Variants in SPAG16 observed in about 807,000 individuals in gnomAD.
The protein encoded by SPAG16 is sperm associated antigen 16.
In SPAG16, 86 loss-of-function variants were observed where a neutral mutation model predicts 80.4. The observed-to-expected ratio is 1.07, with a 90% CI of 0.90 to 1.28. The LOEUF is 1.28. Ranked by LOEUF, SPAG16 falls within the 50% of genes most tolerant of loss-of-function variation. The pLI is 0.00. For synonymous variants in SPAG16, 294 were observed against 265.9 expected (o/e 1.11, Z -1.03); for missense variants, 870 against 765.3 (o/e 1.14, Z -1.61).
intron 11 of SPAG16, among the ~76,000 whole-genome samples, chr2:213,896,630 A>G (rs998996201): frequency 7.0e-6 from 1 of 143,792 alleles, no homozygotes; most frequent in Non-Finnish European, 1.6e-5. Context: ...ATATGTACAT[A>G]TATATGATAT....
intron 8 of SPAG16, 162 bp downstream of exon 8, chr2:213,364,307 C>T (rs1294937864): frequency 2.8e-6 from 1 of 360,862 alleles, no homozygotes; most frequent in African/African-American, 2.1e-5. Context: ...AGATATCATA[C>T]TGTATGGATT....
chr2:213,381,909 A>G (rs2067195144), intron 9 of SPAG16, among the ~76,000 whole-genome samples: 1 of 152,232 alleles, frequency 6.6e-6, no homozygotes, highest in Non-Finnish European at 1.5e-5. Flanking sequence ...TATACTGCCA[A>G]GATTTCTGTT....
At chr2:214,121,544 G>T (rs2054220927) in intron 14 of SPAG16, among the ~76,000 whole-genome samples, 1 of 151,818 alleles carries the variant, frequency 6.6e-6, no homozygotes, top group Admixed American at 6.6e-5. Flanking sequence ...TTTAAAATGA[G>T]TGACAAAAGA....
intron 10 of SPAG16, among the ~76,000 whole-genome samples, chr2:213,561,697 G>C (rs891245839): frequency 3.3e-5 from 5 of 152,152 alleles, no homozygotes; most frequent in Admixed American, 3.3e-4. Flanking sequence ...ATTTTTGTTT[G>C]TTTTATTTCA....
chr2:213,860,342 G>GATAT lies in SPAG16; in HGVS notation c.1071-2124_1071-2121dup, dbSNP rs57174578. ...GAATTACCCACAAAAGTCATTTACA[G>GATAT]ATATATATATATATATATATATGTG... On this transcript the variant is annotated intron_variant, in intron 10 of 15. Coordinates refer to ENST00000331683, the MANE Select transcript of SPAG16 (RefSeq NM_024532.5). 5.8e-3 allele frequency among the ~76,000 whole-genome samples: 822 copies of GATAT among 141,554 alleles called. 12 individuals carry two copies. Among genetic ancestry groups the GATAT allele is most frequent in the East Asian group, 0.025 (120 of 4,876 alleles). 92.9% of individuals were successfully genotyped at this position (141,554 alleles called of 152,430 possible). A position where few individuals can be genotyped will look rare whatever the true frequency, so the allele number is the denominator to read the frequency against.
intron 9 of SPAG16, 45 bp downstream of exon 9, chr2:213,375,164 A>C: frequency 6.2e-6 from 8 of 1,285,996 alleles, no homozygotes; most frequent in Non-Finnish European, 8.8e-6. Context: ...CTTAACTCTC[A>C]GATCTTTAGA....
chr2:214,262,931 A>C (rs1164612370), intron 15 of SPAG16, among the ~76,000 whole-genome samples: 1 of 151,888 alleles, frequency 6.6e-6, no homozygotes, highest in Admixed American at 6.6e-5. Flanking sequence ...TATTTTCCTC[A>C]GTTTTATTTA....
chr2:213,921,551 G>T (rs2078225267), intron 11 of SPAG16, among the ~76,000 whole-genome samples: 1 of 152,128 alleles, frequency 6.6e-6, no homozygotes, highest in Non-Finnish European at 1.5e-5. Flanking sequence ...CTATTCATAT[G>T]TACGAATTTG....
intron 10 of SPAG16, among the ~76,000 whole-genome samples, chr2:213,680,728 G>A (rs1331639415): frequency 6.6e-6 from 1 of 152,148 alleles, no homozygotes; most frequent in Non-Finnish European, 1.5e-5. Flanking sequence ...CATGGCCCAT[G>A]ACACAGCCCT....
At chr2:214,117,464 A>G (rs946839964) in intron 14 of SPAG16, among the ~76,000 whole-genome samples, 1 of 152,196 alleles carries the variant, frequency 6.6e-6, no homozygotes, top group Non-Finnish European at 1.5e-5. Context: ...TATTCCAAAA[A>G]CTTGAAGAGG....
intron 1 of SPAG16, among the ~76,000 whole-genome samples, chr2:213,295,254 A>G (rs751414347): frequency 1.3e-5 from 2 of 152,286 alleles, no homozygotes; most frequent in East Asian, 1.9e-4. Flanking sequence ...AATAACAACA[A>G]CAACAACAAG....
At chr2:214,069,875 A>G (rs1206811191) in intron 13 of SPAG16, among the ~76,000 whole-genome samples, 1 of 152,062 alleles carries the variant, frequency 6.6e-6, no homozygotes, top group Non-Finnish European at 1.5e-5. Flanking sequence ...TGCTTAGGAT[A>G]ATTAGGTTCT....
At chr2:214,284,797 C>CTGTGTGTGTG (rs34221048) in intron 15 of SPAG16, among the ~76,000 whole-genome samples, 1 of 149,754 alleles carries the variant, frequency 6.7e-6, no homozygotes, top group East Asian at 2.0e-4. Context: ...ATATTTTACT[C>CTGTGTGTGTG]TGTGTGTGTG....
chr2:213,630,195 C>T (rs1056295575), intron 10 of SPAG16, among the ~76,000 whole-genome samples: 4 of 152,064 alleles, frequency 2.6e-5, no homozygotes, highest in East Asian at 1.9e-4. Flanking sequence ...ACCAGCCTAG[C>T]GAACATGGTG....
intron 10 of SPAG16, among the ~76,000 whole-genome samples, chr2:213,649,737 G>A (rs1399201680): frequency 6.6e-6 from 1 of 152,012 alleles, no homozygotes; most frequent in African/African-American, 2.4e-5. Context: ...ACCATGGTGG[G>A]CTAATTTAAA....
intron 9 of SPAG16, among the ~76,000 whole-genome samples, chr2:213,442,866 G>A (rs544638092): frequency 2.6e-5 from 4 of 152,068 alleles, no homozygotes; most frequent in African/African-American, 4.8e-5. Context: ...TAGCACCAAA[G>A]ACAGGATCCA....
intron 15 of SPAG16, among the ~76,000 whole-genome samples, chr2:214,391,880 A>C (rs2126128585): frequency 6.6e-6 from 1 of 152,322 alleles, no homozygotes; most frequent in Non-Finnish European, 1.5e-5. Context: ...TTTGAACCAC[A>C]ATTATCAAGA....
chr2:213,518,991 G>A (rs1349148062), intron 10 of SPAG16, among the ~76,000 whole-genome samples: 2 of 152,152 alleles, frequency 1.3e-5, no homozygotes, highest in African/African-American at 4.8e-5. Context: ...AATAGCACAT[G>A]TTCTTACTTA....
intron 9 of SPAG16, among the ~76,000 whole-genome samples, chr2:213,404,239 C>T (rs577131196): frequency 1.4e-4 from 22 of 152,132 alleles, no homozygotes; most frequent in Non-Finnish European, 2.2e-4. Flanking sequence ...AACAAGAGCC[C>T]GCATTGCCAA....
Sources: gnomAD v4.1 joint callset for allele counts (sites outside exome capture counted in the v4.1 genomes callset) on GRCh38, gnomAD v4.1.1 for gene constraint, MANE v1.5 for transcripts, NCBI Gene and HGNC (gene_info 2026-07-23, HGNC 2026-07-21) for gene names.